The following CDK14 variants were observed in gnomAD, a reference collection of about 807,000 sequenced individuals.
CDK14 encodes cyclin dependent kinase 14.
In CDK14, 34 loss-of-function variants were observed where a neutral mutation model predicts 60.7. That is an observed-to-expected ratio of 0.56 (90% CI 0.43 to 0.75). CDK14 has a LOEUF of 0.75. Among genes scored for constraint, CDK14 ranks in the 30% least tolerant of loss-of-function variants. The probability of loss-of-function intolerance (pLI) is 0.00; values close to 1 mark genes in which losing one functional copy is unlikely to be tolerated. For synonymous variants in CDK14, 197 were observed against 203.7 expected (o/e 0.97, Z 0.28); for missense variants, 482 against 564.1 (o/e 0.85, Z 1.47).
rs542767356 is a variant in CDK14, at chr7:90,987,038, A to G, written c.1041+2797A>G. On this transcript the variant is annotated intron_variant, in intron 10 of 14. Coordinates refer to ENST00000380050, the MANE Select transcript of CDK14 (RefSeq NM_001287135.2). ...ATATAACTGAGATATATTATACAGC[A>G]ACAGAACAAAAAGGTGAGTTTTATA... 3.3e-5 allele frequency among the ~76,000 whole-genome samples: 5 copies of G among 152,104 alleles called. No individual in the cohort carries two copies. The East Asian group carries it at 9.6e-4, about 29-fold the overall frequency.
At chr7:90,971,475 A>G (rs1346953945) in intron 9 of CDK14, among the ~76,000 whole-genome samples, 1 of 152,144 alleles carries the variant, frequency 6.6e-6, no homozygotes, top group Non-Finnish European at 1.5e-5. Flanking sequence ...ACATCATGCC[A>G]TGGACAAAGA....
intron 2 of CDK14, among the ~76,000 whole-genome samples, chr7:90,673,945 C>G (rs1801148579): frequency 6.6e-6 from 1 of 152,146 alleles, no homozygotes; most frequent in Non-Finnish European, 1.5e-5. Context: ...GTTTATCACT[C>G]CATATGTACA....
At chr7:90,668,920 C>T (rs763383518) in intron 2 of CDK14, among the ~76,000 whole-genome samples, 17 of 151,384 alleles carry the variant, frequency 1.1e-4, no homozygotes, top group East Asian at 3.9e-4. Flanking sequence ...TTATTAGAGA[C>T]GGGGTCTCAC....
At chr7:90,621,639 T>G (rs144877875) in intron 2 of CDK14, among the ~76,000 whole-genome samples, 3 of 111,358 alleles carry the variant, frequency 2.7e-5, no homozygotes, top group South Asian at 2.9e-4. Context: ...CTTCCTTCCT[T>G]CCTTCCTTCC....
At chr7:90,884,047 T>A (rs965280624) in intron 6 of CDK14, among the ~76,000 whole-genome samples, 1 of 152,206 alleles carries the variant, frequency 6.6e-6, no homozygotes, top group Non-Finnish European at 1.5e-5. Context: ...ATGCCCTGTC[T>A]CACCACTCCT....
chr7:91,076,829 T>A lies in CDK14; in HGVS notation c.1106-2603T>A, dbSNP rs185820391. On this transcript the variant is annotated intron_variant, in intron 11 of 14. Coordinates refer to ENST00000380050, the MANE Select transcript of CDK14 (RefSeq NM_001287135.2). Reference sequence around the variant, plus strand: ...AGGAAAAAACAACCCCATCAAAAAGTGGGCAAAGGATACAAACAGAAATTT... The same window carrying A: ...AGGAAAAAACAACCCCATCAAAAAGAGGGCAAAGGATACAAACAGAAATTT... 2.6e-3 allele frequency among the ~76,000 whole-genome samples: 397 copies of A among 152,152 alleles called. 1 individual carries two copies. Among genetic ancestry groups the A allele is most frequent in the African/African-American group, 8.9e-3 (369 of 41,512 alleles).
intron 14 of CDK14, among the ~76,000 whole-genome samples, chr7:91,178,941 A>G (rs1801884505): frequency 6.6e-6 from 1 of 152,174 alleles, no homozygotes; most frequent in Non-Finnish European, 1.5e-5. Context: ...CATTTGACCC[A>G]GCCATCCCAT....
At chr7:90,759,303 A>T (rs913401286) in intron 4 of CDK14, among the ~76,000 whole-genome samples, 3 of 152,114 alleles carry the variant, frequency 2.0e-5, no homozygotes, top group Non-Finnish European at 4.4e-5. Flanking sequence ...AGCAAATATA[A>T]TGAGATATTC....
intron 2 of CDK14, among the ~76,000 whole-genome samples, chr7:90,717,373 A>G (rs1188278817): frequency 6.6e-6 from 1 of 152,124 alleles, no homozygotes; most frequent in Non-Finnish European, 1.5e-5. Flanking sequence ...TTAGCAAAAC[A>G]GTTATCAAGC....
At chr7:90,753,639 G>A (rs1478123277) in intron 4 of CDK14, among the ~76,000 whole-genome samples, 1 of 152,104 alleles carries the variant, frequency 6.6e-6, no homozygotes, top group Non-Finnish European at 1.5e-5. Flanking sequence ...CCTGGCCAGA[G>A]CAATCAGGCA....
At chr7:90,781,916 A>G (rs1190632126) in intron 4 of CDK14, among the ~76,000 whole-genome samples, 1 of 152,072 alleles carries the variant, frequency 6.6e-6, no homozygotes, top group Non-Finnish European at 1.5e-5. Flanking sequence ...TTTTGGTTCC[A>G]TATGAACTTT....
chr7:90,667,346 T>C (rs1420102233), intron 2 of CDK14, among the ~76,000 whole-genome samples: 1 of 152,204 alleles, frequency 6.6e-6, no homozygotes, highest in African/African-American at 2.4e-5. Flanking sequence ...GGGCTTTTAG[T>C]GTATTCACAA....
intron 6 of CDK14, among the ~76,000 whole-genome samples, chr7:90,891,896 C>G (rs191094565): frequency 1.0e-3 from 152 of 152,346 alleles, no homozygotes; most frequent in Non-Finnish European, 1.8e-3. Flanking sequence ...AATGCTAATG[C>G]AAAAGCAGAA....
At chr7:91,014,040 G>T (rs1012027881) in intron 10 of CDK14, among the ~76,000 whole-genome samples, 1 of 152,000 alleles carries the variant, frequency 6.6e-6, no homozygotes, top group African/African-American at 2.4e-5. Flanking sequence ...TAGTTGTCAA[G>T]GTATTAGAAC....
At chr7:90,678,138 T>A (rs9655988) in intron 2 of CDK14, among the ~76,000 whole-genome samples, 41 of 152,322 alleles carry the variant, frequency 2.7e-4, no homozygotes, top group African/African-American at 9.4e-4. Flanking sequence ...AACAGTACTG[T>A]AAGAGGCATA....
intron 14 of CDK14, among the ~76,000 whole-genome samples, chr7:91,144,563 G>A (rs904674478): frequency 2.6e-5 from 4 of 152,118 alleles, no homozygotes; most frequent in African/African-American, 7.2e-5. Flanking sequence ...TATTTATGTT[G>A]ACACAAGGGA....
intron 5 of CDK14, among the ~76,000 whole-genome samples, chr7:90,832,744 C>T (rs975689189): frequency 1.3e-5 from 2 of 151,912 alleles, no homozygotes; most frequent in African/African-American, 4.8e-5. Context: ...GTGTGTGGGC[C>T]GGAGGTCAGG....
chr7:91,170,950 T>G (rs557240806), intron 14 of CDK14, among the ~76,000 whole-genome samples: 1 of 151,882 alleles, frequency 6.6e-6, no homozygotes, highest in African/African-American at 2.4e-5. Context: ...TATTTTTTAG[T>G]AGAGACAGGG....
intron 11 of CDK14, among the ~76,000 whole-genome samples, chr7:91,054,126 A>G (rs1367677742): frequency 7.9e-6 from 1 of 126,916 alleles, no homozygotes; most frequent in Non-Finnish European, 1.6e-5. Flanking sequence ...TTTATATACC[A>G]TGTGCTCTGC....
Sources: allele counts gnomAD v4.1 joint callset (sites outside exome capture counted in the v4.1 genomes callset), GRCh38; gene constraint gnomAD v4.1.1; transcripts MANE v1.5; gene names NCBI Gene and HGNC (gene_info 2026-07-23, HGNC 2026-07-21).